TAOK1: variants seen among roughly 807,000 people sequenced by gnomAD.
TAOK1 encodes TAO kinase 1.
In TAOK1, 21 loss-of-function variants were observed where a neutral mutation model predicts 138.3. The observed-to-expected ratio is 0.15, with a 90% CI of 0.11 to 0.22. The LOEUF (loss-of-function observed/expected upper bound fraction) is 0.22, where lower values mean the gene tolerates loss of function less well. TAOK1 is among the 10% of genes least tolerant of loss of function. The probability of loss-of-function intolerance (pLI) is 1.00; values close to 1 mark genes in which losing one functional copy is unlikely to be tolerated. For synonymous variants in TAOK1, 361 were observed against 398.4 expected (o/e 0.91, Z 1.12); for missense variants, 651 against 1,227.7 (o/e 0.53, Z 7.02).
intron 1 of TAOK1, among the ~76,000 whole-genome samples, chr17:29,412,252 AGGT>A (rs1255791949): frequency 7.2e-5 from 11 of 152,186 alleles, no homozygotes; most frequent in Non-Finnish European, 1.5e-4. Context: ...CATGTTGACC[AGGT>A]TGGTCTCGAA....
At chr17:29,523,921 T>G (rs1296850108) in intron 17 of TAOK1, among the ~76,000 whole-genome samples, 1 of 152,140 alleles carries the variant, frequency 6.6e-6, no homozygotes, top group African/African-American at 2.4e-5. Context: ...TATGCTGGAG[T>G]ACAATGAAAT....
intron 2 of TAOK1, among the ~76,000 whole-genome samples, chr17:29,464,502 A>G (rs371651032): frequency 6.6e-6 from 1 of 152,016 alleles, no homozygotes. Context: ...ATGGTTGCAC[A>G]TATCTGCTAA....
In TAOK1 at chr17:29,548,842, C is replaced by A. The variant is rs2032445251; in HGVS notation, c.*5820C>A. 1.3e-5 allele frequency: 2 copies of A among 152,022 alleles called. No homozygotes were observed. The highest frequency in any genetic ancestry group is 4.1e-4 in the South Asian group (2 of 4,820). 9.4% of individuals were successfully genotyped at this position (152,022 alleles called of 1,614,324 possible). A position where few individuals can be genotyped will look rare whatever the true frequency, so the allele number is the denominator to read the frequency against. ...GTGGTCCTAGCATCTAACCCTGAAA[C>A]CATCCTAGGTGACATTTTTAGAATT... On this transcript the variant is annotated 3_prime_UTR_variant, in exon 20 of 20. Transcript: ENST00000261716.
intron 17 of TAOK1, among the ~76,000 whole-genome samples, chr17:29,524,243 C>A (rs1212067021): frequency 6.6e-6 from 1 of 151,802 alleles, no homozygotes; most frequent in African/African-American, 2.4e-5. Context: ...AATCATTTAG[C>A]TACAGAATAG....
At chr17:29,531,567 A>G (rs1460053957) in intron 18 of TAOK1, among the ~76,000 whole-genome samples, 2 of 151,950 alleles carry the variant, frequency 1.3e-5, no homozygotes, top group South Asian at 4.1e-4. Context: ...ATTCGAGAGC[A>G]GCCTGCCCAA....
chr17:29,436,713 T>G (rs573748845), intron 1 of TAOK1, among the ~76,000 whole-genome samples: 3 of 152,304 alleles, frequency 2.0e-5, no homozygotes, highest in Admixed American at 2.0e-4. Flanking sequence ...TACGGAGACA[T>G]TAGAACTTTA....
chr17:29,530,634 T>C lies in TAOK1; in HGVS notation c.2361+15T>C. 6.2e-7 allele frequency: 1 copy of C among 1,612,372 alleles called. No homozygotes were observed. The highest frequency in any genetic ancestry group is 1.1e-5 in the South Asian group (1 of 90,980). On this transcript the variant is annotated intron_variant, in intron 18 of 19. Transcript: ENST00000261716. ...CCACACAAGCCGTGAGTTTGCTTTT[T>C]TTGGGGCAAAACAAATTTAGTGCCC...
intron 14 of TAOK1, among the ~76,000 whole-genome samples, chr17:29,508,900 G>A (rs923386992): frequency 1.3e-5 from 2 of 151,710 alleles, no homozygotes; most frequent in African/African-American, 4.8e-5. Context: ...TTTTTTGATA[G>A]CCATGTTTGT....
chr17:29,462,183 G>A (rs1255733759), intron 2 of TAOK1, among the ~76,000 whole-genome samples: 1 of 152,078 alleles, frequency 6.6e-6, no homozygotes, highest in Non-Finnish European at 1.5e-5. Flanking sequence ...TAATTGGCAG[G>A]GATCACCTTA....
chr17:29,529,948 G>A (rs1356469576), intron 17 of TAOK1, among the ~76,000 whole-genome samples: 1 of 151,450 alleles, frequency 6.6e-6, no homozygotes, highest in Non-Finnish European at 1.5e-5. Flanking sequence ...GATTGCTTGA[G>A]CATAGGAGGT....
intron 19 of TAOK1, among the ~76,000 whole-genome samples, chr17:29,535,493 G>A (rs1390527679): frequency 1.3e-5 from 2 of 152,040 alleles, no homozygotes; most frequent in Non-Finnish European, 2.9e-5. Flanking sequence ...CTGGACCATA[G>A]GCCTGTAGAT....
Position 29,400,390 on chromosome 17 carries a change from C to CAA in TAOK1, c.-95+9383_-95+9384dup, listed in dbSNP as rs565898026. 7.7e-3 allele frequency among the ~76,000 whole-genome samples: 634 copies of CAA among 81,886 alleles called. 6 individuals carry two copies. Among genetic ancestry groups the CAA allele is most frequent in the East Asian group, 0.029 (109 of 3,784 alleles). 53.7% of individuals were successfully genotyped at this position (81,886 alleles called of 152,430 possible). On this transcript the variant is annotated intron_variant, in intron 1 of 19. Transcript: ENST00000261716. ...GGGAGACAAGAGCAAAACTCCGTCT[C>CAA]AAAAAAAAAAAAAAAAAACAACAAA...
chr17:29,484,989 A>G (rs2031140091), intron 8 of TAOK1, among the ~76,000 whole-genome samples: 1 of 152,130 alleles, frequency 6.6e-6, no homozygotes, highest in Non-Finnish European at 1.5e-5. Flanking sequence ...ATTAAAGCAA[A>G]CCATTTTCTT....
chr17:29,433,046 C>T (rs987992123), intron 1 of TAOK1, among the ~76,000 whole-genome samples: 1 of 152,162 alleles, frequency 6.6e-6, no homozygotes, highest in Admixed American at 6.6e-5. Flanking sequence ...AGGCATGAGC[C>T]ACTGAGTCTC....
rs752326115 is a variant in TAOK1 at position 29,475,768 on chromosome 17, A to G, written c.303A>G (p.Ala101=). 5 of 1,609,366 alleles carry G rather than the reference A, an allele frequency of 3.1e-6. No homozygotes were observed. The highest frequency in any genetic ancestry group is 4.5e-5 in the East Asian group (2 of 44,776). The change falls in exon 4 of 20, where the codon GCA becomes GCG. Residue 101 remains alanine, a synonymous_variant. Transcript: ENST00000261716. The stretch of plus-strand genomic sequence containing the variant: ...GCTGTTATTTACGTGAACACACAGC[A>G]TGGGTTGGTATTTGTTCTCCCCTTG... ...YKGCYLREHT[A]WLVMEYCLGS...
At chr17:29,514,899 T>C (rs554857408) in intron 15 of TAOK1, 1 of 151,088 alleles carries the variant, frequency 6.6e-6, no homozygotes, top group African/African-American at 2.4e-5. Flanking sequence ...CTCAGTAGTC[T>C]TAGGTGGGAA....
intron 1 of TAOK1, among the ~76,000 whole-genome samples, chr17:29,404,549 T>G (rs1319052037): frequency 6.6e-6 from 1 of 152,164 alleles, no homozygotes; most frequent in Admixed American, 6.6e-5. Flanking sequence ...CCCAGCACTT[T>G]GGGAGACTGA....
chr17:29,516,802 C>T (rs1259413671), intron 15 of TAOK1, among the ~76,000 whole-genome samples: 1 of 151,532 alleles, frequency 6.6e-6, no homozygotes, highest in African/African-American at 2.4e-5. Context: ...CACCCGACCC[C>T]TGTTTTTTTT....
At chr17:29,495,465 T>G in intron 10 of TAOK1, 95 bp from the exon 11 acceptor site, 3 of 1,014,964 alleles carry the variant, frequency 3.0e-6, no homozygotes, top group Non-Finnish European at 4.1e-6. Context: ...ATTACATGCA[T>G]TATCTATCAT....
Sources: allele counts gnomAD v4.1 joint callset (sites outside exome capture counted in the v4.1 genomes callset), GRCh38; gene constraint gnomAD v4.1.1; transcripts MANE v1.5; gene names NCBI Gene and HGNC (gene_info 2026-07-23, HGNC 2026-07-21).